Variants in ENPP3 observed in about 807,000 individuals in gnomAD.
The protein encoded by ENPP3 is ectonucleotide pyrophosphatase/phosphodiesterase family member 3.
In ENPP3, 104 loss-of-function variants were observed where a neutral mutation model predicts 117.8. The ratio of observed to expected loss-of-function variants is 0.88; its 90% CI spans 0.75 to 1.04. The LOEUF is 1.04. Ranked by LOEUF, ENPP3 falls within the 50% of genes least tolerant of loss-of-function variation. The pLI is 0.00. For missense variants in ENPP3, 1,026 were observed against 1,051.9 expected (o/e 0.98, Z 0.34); for synonymous variants, 380 against 349.9 (o/e 1.09, Z -0.96).
Position 131,740,265 on chromosome 6 carries a change from T to C in ENPP3, c.2342T>C (p.Phe781Ser). The C allele has an allele frequency of 6.2e-7, 1 of 1,612,724 alleles. No individual in the cohort carries two copies. The highest frequency in any genetic ancestry group is 8.5e-7 in the Non-Finnish European group (1 of 1,179,286). The part of the protein sequence containing the change: ...NTDVPIPTHY[F>S]VVLTSCKNKS... ...GATGTTCCCATCCCAACACACTACTTTGTGGTGCTGACCAGTTGTAAAAAC... is the reference window on the plus strand; with the variant it reads ...GATGTTCCCATCCCAACACACTACTCTGTGGTGCTGACCAGTTGTAAAAAC... The change falls in exon 24 of 25, where the codon TTT becomes TCT. Residue 781 changes from phenylalanine to serine, a missense_variant. Coordinates refer to ENST00000357639, the MANE Select transcript of ENPP3 (RefSeq NM_005021.5).
chr6:131,660,958 C>T (rs575744949), intron 6 of ENPP3, among the ~76,000 whole-genome samples: 1 of 152,274 alleles, frequency 6.6e-6, no homozygotes, highest in South Asian at 2.1e-4. Flanking sequence ...TTTTAGATAA[C>T]CTCATATAAG....
At chr6:131,694,616 C>G (rs556592661) in intron 15 of ENPP3, among the ~76,000 whole-genome samples, 1 of 152,106 alleles carries the variant, frequency 6.6e-6, no homozygotes, top group East Asian at 1.9e-4. Context: ...GGGCAGGTCA[C>G]TTGAGGCCAG....
intron 11 of ENPP3, among the ~76,000 whole-genome samples, chr6:131,679,181 A>C (rs538395141): frequency 6.6e-6 from 1 of 150,384 alleles, no homozygotes; most frequent in South Asian, 2.1e-4. Context: ...TGCAACCTCC[A>C]TGTCCCGGAT....
intron 14 of ENPP3, among the ~76,000 whole-genome samples, chr6:131,692,538 C>G (rs903990185): frequency 8.6e-5 from 13 of 150,700 alleles, no homozygotes; most frequent in Non-Finnish European, 1.8e-4. Flanking sequence ...AATTTTTTTA[C>G]TCATATCTAC....
At chr6:131,720,243 T>A in intron 16 of ENPP3, 49 bp from the exon 17 acceptor site, 1 of 1,208,198 alleles carries the variant, frequency 8.3e-7, no homozygotes, top group East Asian at 2.5e-5. Context: ...ATATTTGTTT[T>A]TGAATTTGGA....
At chr6:131,655,493 C>T (rs1431903178) in intron 5 of ENPP3, among the ~76,000 whole-genome samples, 2 of 152,158 alleles carry the variant, frequency 1.3e-5, no homozygotes, top group African/African-American at 4.8e-5. Flanking sequence ...ATAACACTCC[C>T]TCAAGTCATA....
At position 131,671,253 on chromosome 6, in the gene ENPP3, T is replaced by C. The variant is rs371947513; in HGVS notation, c.568T>C (p.Cys190Arg). 7 of 1,579,172 alleles carry C rather than the reference T, an allele frequency of 4.4e-6. No homozygotes were observed. In the African/African-American group the frequency reaches 6.7e-5, roughly 15 times the overall value. ...CTCACCATATTCTGTTGCAGAAACA[T>C]GTGGAATTCATTCAAAATACATGAG... ...LMPNINKLKT[C>R]GIHSKYMRAM... The change falls in exon 7 of 25, where the codon TGT (cysteine) becomes CGT (arginine). Residue 190 changes from cysteine to arginine, a missense_variant. Cys to Arg is a radical substitution (Grantham distance 180, BLOSUM62 -3). Transcript: ENST00000357639.
At chr6:131,675,302 G>A (rs1778843010) in intron 9 of ENPP3, 113 bp downstream of exon 9, 1 of 671,456 alleles carries the variant, frequency 1.5e-6, no homozygotes, top group South Asian at 1.8e-5. Context: ...AAAAATCTTG[G>A]GAATCACCAT....
intron 20 of ENPP3, among the ~76,000 whole-genome samples, chr6:131,727,480 G>C (rs10214689): frequency 0.11 from 16,463 of 150,380 alleles, 1,289 homozygotes; most frequent in East Asian, 0.32. Context: ...GCTTGAACCC[G>C]GGAGGTGGAG....
intron 10 of ENPP3, among the ~76,000 whole-genome samples, 163 bp from the exon 11 acceptor site, chr6:131,677,705 C>A (rs1195510283): frequency 6.6e-6 from 1 of 152,068 alleles, no homozygotes; most frequent in African/African-American, 2.4e-5. Context: ...GAAACCTATC[C>A]TTGCTGGAGC....
intron 15 of ENPP3, among the ~76,000 whole-genome samples, chr6:131,695,159 T>C (rs1253648933): frequency 6.6e-6 from 1 of 152,150 alleles, no homozygotes; most frequent in Non-Finnish European, 1.5e-5. Flanking sequence ...TAAGCTCTAC[T>C]AATATTAAGT....
intron 11 of ENPP3, among the ~76,000 whole-genome samples, chr6:131,681,056 G>C (rs1018346363): frequency 6.6e-6 from 1 of 151,858 alleles, no homozygotes; most frequent in Admixed American, 6.6e-5. Flanking sequence ...GTGGTTGGGG[G>C]AGTGAATCAG....
chr6:131,723,965 C>A, intron 18 of ENPP3, 75 bp from the exon 19 acceptor site: 1 of 1,050,834 alleles, frequency 9.5e-7, no homozygotes, highest in Non-Finnish European at 1.5e-6. Context: ...CAGAAACAAT[C>A]TTGATTACCC....
At chr6:131,732,449 G>A (rs1016062056) in intron 20 of ENPP3, among the ~76,000 whole-genome samples, 9 of 152,024 alleles carry the variant, frequency 5.9e-5, no homozygotes, top group Non-Finnish European at 1.0e-4. Flanking sequence ...GTCTCTCTCC[G>A]TTGCCCAGGC....
chr6:131,638,434 T>C (rs1777972096), intron 1 of ENPP3: 1 of 438,672 alleles, frequency 2.3e-6, no homozygotes. Context: ...TTAATTTTAA[T>C]TTTATTTTTG....
Position 131,676,769 on chromosome 6 carries a change from G to A in ENPP3, c.906G>A (p.Leu302=). ...SVPFEERIST[L]LKWLDLPKAE... ...CATTTGAAGAGAGGATTTCTACACT[G>A]TTAAAATGGCTGGACCTGCCCAAAG... Residue 302 remains leucine, a synonymous_variant, in exon 10 of 25, where the codon CTG becomes CTA. Coordinates refer to ENST00000357639, the MANE Select transcript of ENPP3 (RefSeq NM_005021.5). 4 of 1,611,456 alleles carry A rather than the reference G, an allele frequency of 2.5e-6. No individual in the cohort carries two copies. Among genetic ancestry groups the A allele is most frequent in the Non-Finnish European group, 3.4e-6 (4 of 1,177,894 alleles).
intron 12 of ENPP3, among the ~76,000 whole-genome samples, chr6:131,684,217 G>A (rs1354454020): frequency 6.6e-6 from 1 of 152,200 alleles, no homozygotes. Context: ...AAGAAAAATA[G>A]TGTGTCTGCA....
chr6:131,643,561 C>T (rs1173894106), intron 2 of ENPP3, among the ~76,000 whole-genome samples: 2 of 152,134 alleles, frequency 1.3e-5, no homozygotes, highest in Non-Finnish European at 2.9e-5. Flanking sequence ...CTCTTTATTA[C>T]TCATTTTTCC....
intron 15 of ENPP3, among the ~76,000 whole-genome samples, chr6:131,696,017 T>G (rs1779397235): frequency 6.6e-6 from 1 of 152,190 alleles, no homozygotes; most frequent in Non-Finnish European, 1.5e-5. Flanking sequence ...AAGTACATCA[T>G]TTTTAGTAAT....
Sources: allele counts gnomAD v4.1 joint callset (sites outside exome capture counted in the v4.1 genomes callset), GRCh38; gene constraint gnomAD v4.1.1; transcripts MANE v1.5; gene names NCBI Gene and HGNC (gene_info 2026-07-23, HGNC 2026-07-21).